The following GALNTL6 variants were observed in gnomAD, a reference collection of about 807,000 sequenced individuals.
The protein encoded by GALNTL6 is polypeptide N-acetylgalactosaminyltransferase-like 6.
In GALNTL6, 46 loss-of-function variants were observed where a neutral mutation model predicts 73.7. The ratio of observed to expected loss-of-function variants is 0.62; its 90% CI spans 0.49 to 0.80. The LOEUF (loss-of-function observed/expected upper bound fraction) is 0.80, where lower values mean the gene tolerates loss of function less well. Ranked by LOEUF, GALNTL6 falls within the 30% of genes least tolerant of loss-of-function variation. GALNTL6 has a pLI of 0.00. For missense variants in GALNTL6, 604 were observed against 755.0 expected, an observed-to-expected ratio of 0.80 and a Z score of 2.34; for synonymous variants, 259 against 263.7, an observed-to-expected ratio of 0.98 and a Z score of 0.17.
intron 12 of GALNTL6, among the ~76,000 whole-genome samples, chr4:173,033,786 A>G (rs1347927375): frequency 6.6e-6 from 1 of 152,196 alleles, no homozygotes; most frequent in African/African-American, 2.4e-5. Flanking sequence ...AAGGCTTTGG[A>G]CAGGAAGGAG....
rs751110351 is a variant in GALNTL6, at chr4:172,390,303, CT to C, written c.553+41615del. Among the ~76,000 whole-genome samples the C allele has an allele frequency of 1.1e-4, 16 of 152,308 alleles. No homozygotes were observed. The East Asian group carries it at 1.2e-3, about 11-fold the overall frequency. Reference sequence around the variant, plus strand: ...GTTTATGAAATAGAGCCACTATGGACTGTTTAAACTTTAATTAACAGAACAA... The same window carrying C: ...GTTTATGAAATAGAGCCACTATGGACGTTTAAACTTTAATTAACAGAACAA... On this transcript the variant is annotated intron_variant, in intron 5 of 12. Coordinates refer to ENST00000506823, the MANE Select transcript of GALNTL6 (RefSeq NM_001034845.3).
chr4:172,451,932 G>A (rs1732227751), intron 5 of GALNTL6, among the ~76,000 whole-genome samples: 1 of 152,092 alleles, frequency 6.6e-6, no homozygotes, highest in African/African-American at 2.4e-5. Context: ...GGTCTTCTGA[G>A]CCCGGGAAGT....
rs908900982 is a variant in GALNTL6, at chr4:172,131,737, T to C, written c.139-97919T>C. Among the ~76,000 whole-genome samples, 3 of 151,988 alleles carry C rather than the reference T, an allele frequency of 2.0e-5. No homozygotes were observed. The South Asian group carries it at 6.2e-4, about 31-fold the overall frequency. ...TGGGTGTGTTTTCTTACAGAGTAGA[T>C]GATAAATTCCTTGGGAGTAGAGATT... On this transcript the variant is annotated intron_variant, in intron 2 of 12. Coordinates refer to ENST00000506823, the MANE Select transcript of GALNTL6 (RefSeq NM_001034845.3).
At chr4:172,298,245 G>A (rs989288726) in intron 3 of GALNTL6, among the ~76,000 whole-genome samples, 3 of 152,192 alleles carry the variant, frequency 2.0e-5, no homozygotes, top group African/African-American at 7.2e-5. Context: ...AGCTTAAGGA[G>A]CTTTTGGGCT....
At chr4:172,461,110 C>CACAGGA (rs1424109035) in intron 5 of GALNTL6, among the ~76,000 whole-genome samples, 1 of 151,926 alleles carries the variant, frequency 6.6e-6, no homozygotes, top group Non-Finnish European at 1.5e-5. Flanking sequence ...AGCAAACTAA[C>CACAGGA]ACAGGAACAG....
intron 5 of GALNTL6, among the ~76,000 whole-genome samples, chr4:172,611,163 C>T (rs1300800813): frequency 6.6e-6 from 1 of 151,912 alleles, no homozygotes; most frequent in Non-Finnish European, 1.5e-5. Context: ...TTAAGTGGGG[C>T]ATTTAGCATG....
chr4:172,226,720 A>G lies in GALNTL6; in HGVS notation c.139-2936A>G, dbSNP rs1034629198. On this transcript the variant is annotated intron_variant, in intron 2 of 12. Transcript: ENST00000506823. The stretch of plus-strand genomic sequence containing the variant: ...GCTACCATTTTGCCACCTCTCTGCA[A>G]TGTTGTATCTTTTTCCTTCTGTCTC... Among the ~76,000 whole-genome samples the G allele has an allele frequency of 3.3e-5, 5 of 151,666 alleles. No homozygotes were observed. The South Asian group carries it at 1.0e-3, about 32-fold the overall frequency.
intron 5 of GALNTL6, among the ~76,000 whole-genome samples, chr4:172,567,855 G>A (rs186684106): frequency 1.3e-5 from 2 of 152,126 alleles, no homozygotes; most frequent in Admixed American, 1.3e-4. Flanking sequence ...AAATTGTCAA[G>A]ACATTATATT....
intron 2 of GALNTL6, among the ~76,000 whole-genome samples, chr4:172,031,295 C>G (rs1741761793): frequency 6.6e-6 from 1 of 152,028 alleles, no homozygotes; most frequent in African/African-American, 2.4e-5. Flanking sequence ...CCACCAAATT[C>G]CAATATGGTC....
intron 5 of GALNTL6, among the ~76,000 whole-genome samples, chr4:172,614,590 A>G (rs1393596473): frequency 6.6e-6 from 1 of 152,204 alleles, no homozygotes; most frequent in Non-Finnish European, 1.5e-5. Context: ...GATATTAGAA[A>G]GGATAATTTG....
chr4:172,324,510 AC>A (rs1267565928), intron 4 of GALNTL6, among the ~76,000 whole-genome samples: 1 of 151,550 alleles, frequency 6.6e-6, no homozygotes, highest in Non-Finnish European at 1.5e-5. Context: ...TTAGTAATTG[AC>A]TGAAATAGAC....
At position 172,687,116 on chromosome 4, in the gene GALNTL6, A is replaced by G. The variant is rs1331218388; in HGVS notation, c.554-122245A>G. Among the ~76,000 whole-genome samples, 5 of 152,158 alleles carry G rather than the reference A, an allele frequency of 3.3e-5. No homozygotes were observed. In the East Asian group the frequency reaches 9.6e-4, roughly 29 times the overall value. ...TTGTTGATTCCAACTCAATACATAA[A>G]TGTAATTTTTTTCCTACCAAGTCAG... is the stretch of plus-strand genomic sequence containing the variant. On this transcript the variant is annotated intron_variant, in intron 5 of 12. Transcript: ENST00000506823.
At chr4:172,057,727 A>AT (rs1309303202) in intron 2 of GALNTL6, among the ~76,000 whole-genome samples, 2 of 46,154 alleles carry the variant, frequency 4.3e-5, no homozygotes, top group Non-Finnish European at 8.0e-5. Flanking sequence ...AAAAAAAAAA[A>AT]ATATATATAT....
intron 5 of GALNTL6, among the ~76,000 whole-genome samples, chr4:172,806,637 G>A (rs1740977981): frequency 6.6e-6 from 1 of 152,128 alleles, no homozygotes; most frequent in Non-Finnish European, 1.5e-5. Context: ...TTAGTCCTTG[G>A]GTGTCAGGGA....
rs200247012 is a variant in GALNTL6 at position 172,206,808 on chromosome 4, T to TGTTTG, written c.139-22848_139-22847insGTTTG. 6.7e-4 allele frequency among the ~76,000 whole-genome samples: 25 copies of TGTTTG among 37,144 alleles called. 2 individuals carry two copies. The highest frequency in any genetic ancestry group is 1.0e-3 in the Non-Finnish European group (16 of 15,924). 24.4% of individuals were successfully genotyped at this position (37,144 alleles called of 152,430 possible). On this transcript the variant is annotated intron_variant, in intron 2 of 12. Coordinates refer to ENST00000506823, the MANE Select transcript of GALNTL6 (RefSeq NM_001034845.3). ...TTTTGTTTTGTTTTGTTTTTCTGTT[T>TGTTTG]TTTTTGTTTGTTTTTTTTTTTTTTT...
At chr4:172,229,185 T>A (rs1301213690) in intron 2 of GALNTL6, among the ~76,000 whole-genome samples, 2 of 152,326 alleles carry the variant, frequency 1.3e-5, no homozygotes, top group East Asian at 3.9e-4. Flanking sequence ...CACAGAGTAT[T>A]TAACGTAGAA....
At chr4:172,880,145 C>T (rs1006510679) in intron 7 of GALNTL6, among the ~76,000 whole-genome samples, 3 of 151,938 alleles carry the variant, frequency 2.0e-5, no homozygotes, top group African/African-American at 4.8e-5. Context: ...AGTTATTCCA[C>T]TTCTAGGAAT....
intron 5 of GALNTL6, among the ~76,000 whole-genome samples, chr4:172,600,102 C>A (rs750239004): frequency 6.6e-6 from 1 of 151,920 alleles, no homozygotes; most frequent in East Asian, 1.9e-4. Context: ...GTGTAGGATT[C>A]GGACACTCTT....
At chr4:172,552,851 A>AAAAAAAAC (rs1049536324) in intron 5 of GALNTL6, among the ~76,000 whole-genome samples, 1 of 150,480 alleles carries the variant, frequency 6.6e-6, no homozygotes, top group Non-Finnish European at 1.5e-5. Context: ...AAAAAAAAAA[A>AAAAAAAAC]AAAAAAGGTA....
Sources: gnomAD v4.1 joint callset for allele counts (sites outside exome capture counted in the v4.1 genomes callset) on GRCh38, gnomAD v4.1.1 for gene constraint, MANE v1.5 for transcripts, NCBI Gene and HGNC (gene_info 2026-07-23, HGNC 2026-07-21) for gene names.